Variants in NIPBL observed in about 807,000 individuals in gnomAD.
NIPBL encodes the protein NIPBL cohesin loading factor, also known as nipped-B-like protein.
NIPBL carries 19 observed loss-of-function variants against 321.8 expected under a neutral mutation model. The ratio of observed to expected loss-of-function variants is 0.06; its 90% CI spans 0.04 to 0.09. The LOEUF (loss-of-function observed/expected upper bound fraction) is 0.09. Among genes scored for constraint, NIPBL ranks in the 10% least tolerant of loss-of-function variants. The probability of loss-of-function intolerance (pLI) is 1.00; values close to 1 mark genes in which losing one functional copy is unlikely to be tolerated. For missense variants in NIPBL, 2,210 were observed against 3,327.0 expected, an observed-to-expected ratio of 0.66 and a Z score of 8.26; for synonymous variants, 1,106 against 1,114.1, an observed-to-expected ratio of 0.99 and a Z score of 0.14.
intron 1 of NIPBL, among the ~76,000 whole-genome samples, chr5:36,877,382 C>G (rs571536126): frequency 6.6e-6 from 1 of 152,152 alleles, no homozygotes; most frequent in African/African-American, 2.4e-5. Context: ...GCTCCGGTGG[C>G]GGGGACTGGG....
chr5:36,937,824 T>C (rs1358665427), intron 1 of NIPBL, among the ~76,000 whole-genome samples: 1 of 152,168 alleles, frequency 6.6e-6, no homozygotes, highest in Non-Finnish European at 1.5e-5. Flanking sequence ...TGGAGAACAA[T>C]GTGTGTTTCT....
chr5:36,889,350 A>G (rs1366506780), intron 1 of NIPBL, among the ~76,000 whole-genome samples: 3 of 152,128 alleles, frequency 2.0e-5, no homozygotes, highest in Non-Finnish European at 4.4e-5. Flanking sequence ...CTGAACCCCC[A>G]TGTTCACTGC....
intron 1 of NIPBL, chr5:36,885,140 A>G (rs1745794709): frequency 4.5e-6 from 2 of 444,656 alleles, no homozygotes; most frequent in Non-Finnish European, 8.9e-6. Flanking sequence ...GTTACAGCAC[A>G]TAAAAAATGC....
At chr5:37,061,801 G>A (rs954833075) in intron 45 of NIPBL, among the ~76,000 whole-genome samples, 1 of 152,102 alleles carries the variant, frequency 6.6e-6, no homozygotes, top group Non-Finnish European at 1.5e-5. Context: ...ATACATAGTT[G>A]TTATACTGCA....
At chr5:36,901,177 C>G (rs757544184) in intron 1 of NIPBL, among the ~76,000 whole-genome samples, 1 of 152,188 alleles carries the variant, frequency 6.6e-6, no homozygotes. Flanking sequence ...CTCCCACTTA[C>G]AAGAGATAAC....
chr5:37,041,893 T>A (rs1037537217), intron 34 of NIPBL, among the ~76,000 whole-genome samples: 15 of 151,178 alleles, frequency 9.9e-5, no homozygotes, highest in Admixed American at 4.0e-4. Flanking sequence ...TTAAGTAAAA[T>A]GCTAGCACTG....
chr5:36,990,014 T>C (rs1745311306), intron 10 of NIPBL, among the ~76,000 whole-genome samples: 1 of 151,822 alleles, frequency 6.6e-6, no homozygotes, highest in African/African-American at 2.4e-5. Context: ...CATTTTTTCT[T>C]CTCTCTCCCC....
intron 4 of NIPBL, among the ~76,000 whole-genome samples, chr5:36,959,907 A>T (rs1299792171): frequency 2.0e-5 from 3 of 151,232 alleles, no homozygotes; most frequent in South Asian, 2.1e-4. Flanking sequence ...TTTTTTTTTT[A>T]AAGCATTTTC....
intron 1 of NIPBL, among the ~76,000 whole-genome samples, chr5:36,888,469 G>A (rs1746080059): frequency 6.6e-6 from 1 of 151,994 alleles, no homozygotes; most frequent in Non-Finnish European, 1.5e-5. Context: ...GGAGAAAATG[G>A]GAATGTATAA....
intron 1 of NIPBL, among the ~76,000 whole-genome samples, chr5:36,907,778 A>G (rs990803453): frequency 2.0e-5 from 3 of 152,180 alleles, no homozygotes; most frequent in Non-Finnish European, 4.4e-5. Flanking sequence ...ACTGAGGAAA[A>G]GGTCTGAAAG....
intron 15 of NIPBL, 33 bp downstream of exon 15, chr5:37,002,798 T>C: frequency 8.4e-7 from 1 of 1,184,840 alleles, no homozygotes; most frequent in Non-Finnish European, 1.3e-6. Flanking sequence ...ATAAATTTAC[T>C]TCATAGAAAC....
intron 34 of NIPBL, among the ~76,000 whole-genome samples, chr5:37,039,590 T>TA (rs1752106598): frequency 6.6e-6 from 1 of 152,070 alleles, no homozygotes; most frequent in Non-Finnish European, 1.5e-5. Flanking sequence ...AGAGTATAAG[T>TA]AACTGCTAAA....
At chr5:36,897,828 T>C (rs970170487) in intron 1 of NIPBL, among the ~76,000 whole-genome samples, 4 of 150,740 alleles carry the variant, frequency 2.7e-5, no homozygotes, top group African/African-American at 7.3e-5. Context: ...CTGAAGTCTT[T>C]ACTCCACTAG....
chr5:36,964,784 A>G (rs1742023039), intron 6 of NIPBL, among the ~76,000 whole-genome samples: 1 of 152,168 alleles, frequency 6.6e-6, no homozygotes, highest in Non-Finnish European at 1.5e-5. Flanking sequence ...TATCTGTTTG[A>G]CAAGTGATTA....
rs1016256641 is a variant in NIPBL at position 37,023,321 on chromosome 5, A to G, written c.5574+931A>G. Among the ~76,000 whole-genome samples, 7 of 152,170 alleles carry G rather than the reference A, an allele frequency of 4.6e-5. No homozygotes were observed. The South Asian group carries it at 1.4e-3, about 32-fold the overall frequency. On this transcript the variant is annotated intron_variant, in intron 29 of 46. Transcript: ENST00000282516. Reference sequence around the variant, plus strand: ...TGTAACCCTAGTAAAATATCCTAAAATATTTTGGGGATTGCTAAAATCACA... The same window carrying G: ...TGTAACCCTAGTAAAATATCCTAAAGTATTTTGGGGATTGCTAAAATCACA...
chr5:36,923,578 G>T (rs980659889), intron 1 of NIPBL, among the ~76,000 whole-genome samples: 1 of 151,906 alleles, frequency 6.6e-6, no homozygotes, highest in African/African-American at 2.4e-5. Context: ...GTGGTCTTTG[G>T]TTATTTACTT....
Position 36,985,596 on chromosome 5 carries a change from G to C in NIPBL, c.2416G>C (p.Asp806His). 1 of 1,613,924 alleles carries C rather than the reference G, an allele frequency of 6.2e-7. No homozygotes were observed. The highest frequency in any genetic ancestry group is 8.5e-7 in the Non-Finnish European group (1 of 1,179,966). ...ERAEALKQRP[D>H]GRSVSESLRR... ...AGCTGAAGCCTTAAAGCAGAGACCT[G>C]ATGGGCGATCTGTTTCTGAGTCACT... The change falls in exon 10 of 47, where the codon GAT becomes CAT. Residue 806 changes from aspartate (D) to histidine (H), a missense_variant. By Grantham distance (81) the Asp-to-His change is moderately conservative. Coordinates refer to ENST00000282516, the MANE Select transcript of NIPBL (RefSeq NM_133433.4).
intron 10 of NIPBL, among the ~76,000 whole-genome samples, chr5:36,988,642 A>G (rs1261165312): frequency 2.6e-5 from 4 of 152,002 alleles, no homozygotes. Flanking sequence ...CCTTTGTAGT[A>G]TATACTGGGA....
At chr5:36,893,966 T>C (rs976703116) in intron 1 of NIPBL, among the ~76,000 whole-genome samples, 3 of 152,184 alleles carry the variant, frequency 2.0e-5, no homozygotes, top group Admixed American at 6.5e-5. Flanking sequence ...CTGACCTATC[T>C]GTTCCTAAAG....
Sources: allele counts gnomAD v4.1 joint callset (sites outside exome capture counted in the v4.1 genomes callset), GRCh38; gene constraint gnomAD v4.1.1; transcripts MANE v1.5; gene names NCBI Gene and HGNC (gene_info 2026-07-23, HGNC 2026-07-21).